The following NINJ2 variants were observed in gnomAD, a reference collection of about 807,000 sequenced individuals.
The protein encoded by NINJ2 is ninjurin 2, also known as ninjurin-2.
In NINJ2, 12 loss-of-function variants were observed where a neutral mutation model predicts 11.7. That is an observed-to-expected ratio of 1.02 (90% CI 0.66 to 1.66). NINJ2 has a LOEUF of 1.66. NINJ2 is among the 40% of genes most tolerant of loss of function. The pLI is 0.00. For missense variants in NINJ2, 187 were observed against 181.8 expected (o/e 1.03, Z -0.16); for synonymous variants, 93 against 76.8 (o/e 1.21, Z -1.10).
chr12:620,157 G>T (rs374429221), intron 1 of NINJ2, among the ~76,000 whole-genome samples: 1 of 152,338 alleles, frequency 6.6e-6, no homozygotes, highest in East Asian at 1.9e-4. Flanking sequence ...GTATGGGAGT[G>T]GGAAACTGGA....
At chr12:653,018 CTTTTTTT>C (rs377056940) in intron 1 of NINJ2, among the ~76,000 whole-genome samples, 5 of 96,220 alleles carry the variant, frequency 5.2e-5, no homozygotes, top group Admixed American at 2.8e-4. Flanking sequence ...TATTTTGTTT[CTTTTTTT>C]TTTTTTTTTT....
At chr12:647,410 A>G (rs1937703127) in intron 1 of NINJ2, among the ~76,000 whole-genome samples, 1 of 152,156 alleles carries the variant, frequency 6.6e-6, no homozygotes, top group Admixed American at 6.5e-5. Flanking sequence ...TGCACATAGT[A>G]GCACTGACAG....
In NINJ2 at chr12:565,141, T is replaced by A. The variant is rs969746345; in HGVS notation, c.*18+76A>T. The A allele has an allele frequency of 4.0e-6, 5 of 1,234,830 alleles. No individual in the cohort carries two copies. The African/African-American group carries it at 7.6e-5, about 19-fold the overall frequency. 76.5% of individuals were successfully genotyped at this position (1,234,830 alleles called of 1,614,324 possible). On this transcript the variant is annotated intron_variant, in intron 3 of 3. Coordinates refer to ENST00000305108, the MANE Select transcript of NINJ2 (RefSeq NM_016533.6). The stretch of plus-strand genomic sequence containing the variant: ...TTTGTTTGGCAAGGGATCTGTTTCT[T>A]GCCCCAAAGCCCCAGAGGAGAGAGA...
Position 599,465 on chromosome 12 carries a change from T to C in NINJ2, c.34-33287A>G, listed in dbSNP as rs992686509. Among the ~76,000 whole-genome samples the C allele has an allele frequency of 8.5e-5, 13 of 152,228 alleles. 1 individual carries two copies. Among genetic ancestry groups the C allele is most frequent in the African/African-American group, 2.2e-4 (9 of 41,532 alleles). On this transcript the variant is annotated intron_variant, in intron 1 of 3. Transcript: ENST00000305108. ...AAATCTTAGACATTTGAGGGGGTCA[T>C]AGCCCCCAAGAAAAGGGTGAGTGTC... is the stretch of plus-strand genomic sequence containing the variant.
At chr12:660,600 A>T (rs1187865361) in intron 1 of NINJ2, among the ~76,000 whole-genome samples, 2 of 151,756 alleles carry the variant, frequency 1.3e-5, no homozygotes, top group Non-Finnish European at 2.9e-5. Flanking sequence ...CAGACTCCCA[A>T]AGTGCTGGGG....
intron 1 of NINJ2, among the ~76,000 whole-genome samples, chr12:600,389 C>T (rs1947850549): frequency 6.6e-6 from 1 of 151,912 alleles, no homozygotes; most frequent in Non-Finnish European, 1.5e-5. Context: ...CCCATCTCTA[C>T]TAAAATACAA....
intron 1 of NINJ2, among the ~76,000 whole-genome samples, chr12:647,680 C>G (rs1407014037): frequency 6.6e-6 from 1 of 152,188 alleles, no homozygotes; most frequent in Non-Finnish European, 1.5e-5. Flanking sequence ...TTCTCCCATA[C>G]ATCAGTCACT....
intron 1 of NINJ2, among the ~76,000 whole-genome samples, chr12:615,766 ACTGTCATCCTGTGGG>A (rs1948084733): frequency 6.6e-6 from 1 of 152,170 alleles, no homozygotes; most frequent in Non-Finnish European, 1.5e-5. Context: ...TATGTGTGGG[ACTGTCATCCTGTGGG>A]CTGCATGCAT....
chr12:640,590 T>G lies in NINJ2; in HGVS notation c.33+22738A>C, dbSNP rs1212638901. 2.6e-5 allele frequency among the ~76,000 whole-genome samples: 4 copies of G among 152,128 alleles called. No homozygotes were observed. Among genetic ancestry groups the G allele is most frequent in the Non-Finnish European group, 5.9e-5 (4 of 68,024 alleles). ...CCCAGGCTGGAGTGTAGTGGTGTGA[T>G]ATGGGCTCACTGCAACCTCAGCCTC... is the stretch of plus-strand genomic sequence containing the variant. On this transcript the variant is annotated intron_variant, in intron 1 of 3. Transcript: ENST00000305108. This position sits in a 1 kb window ranked among gnomAD's most constrained non-coding sequence, Gnocchi z 4.0.
At chr12:613,134 C>T (rs765530841) in intron 1 of NINJ2, among the ~76,000 whole-genome samples, 4 of 152,210 alleles carry the variant, frequency 2.6e-5, no homozygotes, top group Non-Finnish European at 5.9e-5. Context: ...CCATCCCTGG[C>T]TGGCCCAATC....
At chr12:623,647 T>C (rs954775325) in intron 1 of NINJ2, among the ~76,000 whole-genome samples, 1 of 152,216 alleles carries the variant, frequency 6.6e-6, no homozygotes. Flanking sequence ...TGGGGTTTAT[T>C]AGTGACAGAC....
intron 1 of NINJ2, among the ~76,000 whole-genome samples, chr12:613,228 C>T (rs150294287): frequency 7.2e-5 from 11 of 152,322 alleles, no homozygotes; most frequent in African/African-American, 2.6e-4. Context: ...TCAAGCATAT[C>T]TGCGGCTCCT....
At chr12:634,491 C>G (rs543095941) in intron 1 of NINJ2, among the ~76,000 whole-genome samples, 1 of 152,038 alleles carries the variant, frequency 6.6e-6, no homozygotes, top group African/African-American at 2.4e-5. Context: ...GAACTTCTGA[C>G]CTCGTGATCC....
At chr12:635,893 G>C (rs757430590) in intron 1 of NINJ2, among the ~76,000 whole-genome samples, 8 of 152,094 alleles carry the variant, frequency 5.3e-5, no homozygotes, top group Non-Finnish European at 1.0e-4. Flanking sequence ...TGGCCAACAT[G>C]GTAAAACGCT....
intron 1 of NINJ2, among the ~76,000 whole-genome samples, chr12:650,275 G>A (rs61916677): frequency 0.11 from 16,976 of 151,980 alleles, 1,341 homozygotes; most frequent in Non-Finnish European, 0.17. Context: ...AGTAGAGACG[G>A]GGTTTCACTA....
chr12:579,499 A>G (rs184071156), intron 1 of NINJ2, among the ~76,000 whole-genome samples: 2 of 129,998 alleles, frequency 1.5e-5, no homozygotes, highest in South Asian at 5.3e-4. Flanking sequence ...CAAAACAAAA[A>G]CAAAACAAAA....
intron 1 of NINJ2, among the ~76,000 whole-genome samples, chr12:620,706 T>C (rs536716462): frequency 5.9e-5 from 9 of 152,212 alleles, no homozygotes; most frequent in Admixed American, 2.0e-4. Context: ...CTTGGCTCAC[T>C]GCAACCTCTG....
At chr12:635,806 G>A (rs566262900) in intron 1 of NINJ2, among the ~76,000 whole-genome samples, 5 of 152,372 alleles carry the variant, frequency 3.3e-5, no homozygotes, top group East Asian at 3.9e-4. Flanking sequence ...CGGGCGCGGC[G>A]GTTCACGCCT....
At chr12:606,708 C>T (rs910999445) in intron 1 of NINJ2, among the ~76,000 whole-genome samples, 4 of 152,134 alleles carry the variant, frequency 2.6e-5, no homozygotes, top group Admixed American at 6.5e-5. Context: ...TGCGGGAAGA[C>T]GGTTTAGGTA....
Sources: gnomAD v4.1 joint callset for allele counts (sites outside exome capture counted in the v4.1 genomes callset) on GRCh38, gnomAD v4.1.1 for gene constraint, Gnocchi (gnomAD v3.1) non-coding constraint, MANE v1.5 for transcripts, NCBI Gene and HGNC (gene_info 2026-07-23, HGNC 2026-07-21) for gene names.